Variants in FERMT2 observed in about 807,000 individuals in gnomAD.
FERMT2 encodes the protein fermitin family homolog 2.
In FERMT2, 15 loss-of-function variants were observed where a neutral mutation model predicts 82.7. The ratio of observed to expected loss-of-function variants is 0.18; its 90% CI spans 0.12 to 0.28. The LOEUF (loss-of-function observed/expected upper bound fraction) is 0.28. Ranked by LOEUF, FERMT2 falls within the 10% of genes least tolerant of loss-of-function variation. The pLI is 1.00. For synonymous variants in FERMT2, 274 were observed against 271.5 expected (o/e 1.01, Z -0.09); for missense variants, 645 against 809.4 (o/e 0.80, Z 2.46).
At chr14:52,929,023 C>T (rs756692205) in intron 2 of FERMT2, among the ~76,000 whole-genome samples, 17 of 152,088 alleles carry the variant, frequency 1.1e-4, no homozygotes, top group Admixed American at 2.0e-4. Flanking sequence ...GTGTCAGCAG[C>T]CCAACCTTCT....
At chr14:52,931,390 T>C (rs542887768) in intron 2 of FERMT2, among the ~76,000 whole-genome samples, 1 of 152,240 alleles carries the variant, frequency 6.6e-6, no homozygotes, top group Non-Finnish European at 1.5e-5. Context: ...AACCATCCTG[T>C]AGACAATGGA....
At chr14:52,869,433 A>C (rs17125832) in intron 10 of FERMT2, among the ~76,000 whole-genome samples, 3,816 of 152,296 alleles carry the variant, frequency 0.025, 160 homozygotes, top group African/African-American at 0.087. Context: ...CTAATGTACA[A>C]TATACAGTCA....
chr14:52,872,718 T>A, intron 10 of FERMT2, 81 bp downstream of exon 10: 1 of 1,483,862 alleles, frequency 6.7e-7, no homozygotes, highest in Non-Finnish European at 9.1e-7. Context: ...AAAAAACTTG[T>A]TTATCCCAGC....
intron 2 of FERMT2, among the ~76,000 whole-genome samples, chr14:52,919,895 TAA>T (rs1407828071): frequency 1.3e-5 from 2 of 152,132 alleles, no homozygotes; most frequent in African/African-American, 4.8e-5. Flanking sequence ...CACTATAACT[TAA>T]GAGAAAGCTC....
intron 3 of FERMT2, among the ~76,000 whole-genome samples, chr14:52,904,135 C>T (rs2139589312): frequency 6.6e-6 from 1 of 152,294 alleles, no homozygotes; most frequent in South Asian, 2.1e-4. Context: ...AATCCCAGCA[C>T]TTTGGGAGGC....
chr14:52,919,046 G>T, intron 3 of FERMT2, 77 bp downstream of exon 3: 2 of 987,142 alleles, frequency 2.0e-6, no homozygotes, highest in Non-Finnish European at 3.1e-6. Context: ...CCCATCCCTT[G>T]GGATAAGCTA....
intron 3 of FERMT2, among the ~76,000 whole-genome samples, chr14:52,894,814 A>G (rs537598363): frequency 1.0e-3 from 155 of 152,084 alleles, no homozygotes; most frequent in African/African-American, 3.6e-3. Flanking sequence ...AGAAGAAAGC[A>G]TAAGACGACA....
At chr14:52,918,916 G>A (rs1322881096) in intron 3 of FERMT2, among the ~76,000 whole-genome samples, 2 of 152,084 alleles carry the variant, frequency 1.3e-5, no homozygotes, top group African/African-American at 4.8e-5. Context: ...TTCTAGTAAG[G>A]AAAGAATCTC....
intron 3 of FERMT2, among the ~76,000 whole-genome samples, chr14:52,915,422 A>G (rs1888560788): frequency 6.6e-6 from 1 of 152,228 alleles, no homozygotes; most frequent in South Asian, 2.1e-4. Flanking sequence ...CCATGTAAGG[A>G]CATATAAATG....
At chr14:52,875,638 A>C (rs1434989177) in intron 7 of FERMT2, among the ~76,000 whole-genome samples, 2 of 151,998 alleles carry the variant, frequency 1.3e-5, no homozygotes, top group Non-Finnish European at 1.5e-5. Context: ...ACTGTACTTC[A>C]CATTAACAGA....
rs908296530 is a variant in FERMT2 at position 52,857,432 on chromosome 14, G to GC, written c.*944dup. The GC allele has an allele frequency of 1.3e-5, 2 of 152,608 alleles. No individual in the cohort carries two copies. The highest frequency in any genetic ancestry group is 4.8e-5 in the African/African-American group (2 of 41,428). The allele number at this position is 152,608 out of a possible 1,614,324, so 9.5% of individuals were successfully genotyped here. On this transcript the variant is annotated 3_prime_UTR_variant, in exon 15 of 15. Coordinates refer to ENST00000341590, the MANE Select transcript of FERMT2 (RefSeq NM_006832.3). ...TAGCACCAATACAGATTGTAACAGC[G>GC]CAACAGACTAGAACATGGCCAGTCC...
intron 3 of FERMT2, among the ~76,000 whole-genome samples, chr14:52,918,630 G>A (rs1408527321): frequency 6.6e-6 from 1 of 152,150 alleles, no homozygotes; most frequent in African/African-American, 2.4e-5. Context: ...AACTGGGTCA[G>A]CCAAAGTAAC....
Position 52,857,564 on chromosome 14 carries a change from A to C in FERMT2, c.*813T>G, listed in dbSNP as rs371633287. 5 of 152,654 alleles carry C rather than the reference A, an allele frequency of 3.3e-5. No homozygotes were observed. The highest frequency in any genetic ancestry group is 9.6e-5 in the African/African-American group (4 of 41,454). The allele number at this position is 152,654 out of a possible 1,614,324, so 9.5% of individuals were successfully genotyped here. On this transcript the variant is annotated 3_prime_UTR_variant, in exon 15 of 15. Transcript: ENST00000341590. Reference sequence around the variant, plus strand: ...TTAATTATATCTCTTAAAGGCATTTAATTAACGCAGAGATTGCTACATTTA... The same window carrying C: ...TTAATTATATCTCTTAAAGGCATTTCATTAACGCAGAGATTGCTACATTTA...
intron 3 of FERMT2, among the ~76,000 whole-genome samples, chr14:52,897,333 T>A (rs899821172): frequency 6.6e-6 from 1 of 152,182 alleles, no homozygotes. Context: ...TTCACTGGAA[T>A]AGAATTACTG....
chr14:52,886,520 T>C lies in FERMT2; in HGVS notation c.527-5051A>G, dbSNP rs546284965. On this transcript the variant is annotated intron_variant, in intron 4 of 14. Coordinates refer to ENST00000341590, the MANE Select transcript of FERMT2 (RefSeq NM_006832.3). ...TCTGGGATATATGTGACAGAAAAAT[T>C]AGATACCACCTAGGTAGAAAAACAG... Among the ~76,000 whole-genome samples the C allele has an allele frequency of 1.9e-4, 29 of 152,200 alleles. 1 individual carries two copies. In the South Asian group the frequency reaches 5.8e-3, roughly 31 times the overall value.
intron 4 of FERMT2, among the ~76,000 whole-genome samples, chr14:52,882,304 T>C (rs1886345552): frequency 6.6e-6 from 1 of 151,942 alleles, no homozygotes; most frequent in Non-Finnish European, 1.5e-5. Context: ...CTAGAAAGAG[T>C]CTAAACAGAG....
At chr14:52,885,357 TATTG>T (rs1886540604) in intron 4 of FERMT2, among the ~76,000 whole-genome samples, 1 of 148,490 alleles carries the variant, frequency 6.7e-6, no homozygotes, top group Non-Finnish European at 1.5e-5. Context: ...CTAATGTCAT[TATTG>T]CAAACCAATG....
chr14:52,888,541 C>G (rs183572694), intron 4 of FERMT2, among the ~76,000 whole-genome samples: 154 of 152,292 alleles, frequency 1.0e-3, no homozygotes, highest in Non-Finnish European at 1.6e-3. Context: ...AGCTTCTTGT[C>G]TTTTTGTTTT....
At chr14:52,877,058 G>T (rs1300131626) in intron 7 of FERMT2, among the ~76,000 whole-genome samples, 2 of 152,044 alleles carry the variant, frequency 1.3e-5, no homozygotes, top group Non-Finnish European at 2.9e-5. Flanking sequence ...CGGGGAGGTG[G>T]GCTGCAGAAT....
Sources: allele counts gnomAD v4.1 joint callset (sites outside exome capture counted in the v4.1 genomes callset), GRCh38; gene constraint gnomAD v4.1.1; transcripts MANE v1.5; gene names NCBI Gene and HGNC (gene_info 2026-07-23, HGNC 2026-07-21).